The following BORCS5 variants were observed in gnomAD, a reference collection of about 807,000 sequenced individuals.
BORCS5 encodes BLOC-1-related complex subunit 5.
A neutral mutation model predicts 22.1 loss-of-function variants in BORCS5; 17 were observed. That is an observed-to-expected ratio of 0.77 (90% CI 0.53 to 1.15). The LOEUF is 1.15. BORCS5 is among the 50% of genes most tolerant of loss of function. The probability of loss-of-function intolerance (pLI) is 0.00; values close to 1 mark genes in which losing one functional copy is unlikely to be tolerated. For synonymous variants in BORCS5, 117 were observed against 99.8 expected, an observed-to-expected ratio of 1.17 and a Z score of -1.03; for missense variants, 247 against 253.2, an observed-to-expected ratio of 0.98 and a Z score of 0.17.
intron 2 of BORCS5, among the ~76,000 whole-genome samples, chr12:12,415,007 C>T (rs544247761): frequency 0.025 from 2,228 of 90,830 alleles, 63 homozygotes; most frequent in Admixed American, 0.041. Flanking sequence ...GGGGAAGAGG[C>T]GCTCCTCGCT....
chr12:12,424,565 TTGAA>T (rs958817843), intron 2 of BORCS5, among the ~76,000 whole-genome samples: 2 of 152,136 alleles, frequency 1.3e-5, no homozygotes, highest in African/African-American at 4.8e-5. Context: ...TATTTTTCCT[TTGAA>T]TGAGCCATAC....
intron 2 of BORCS5, among the ~76,000 whole-genome samples, chr12:12,365,425 C>T (rs974376572): frequency 6.6e-6 from 1 of 151,900 alleles, no homozygotes. Flanking sequence ...AGTGCTCCTC[C>T]CACCTTAGCC....
intron 2 of BORCS5, among the ~76,000 whole-genome samples, chr12:12,432,772 A>G (rs1366649005): frequency 6.6e-6 from 1 of 152,252 alleles, no homozygotes; most frequent in Non-Finnish European, 1.5e-5. Flanking sequence ...AAAAGATTCA[A>G]TCCTAAAAGC....
intron 3 of BORCS5, among the ~76,000 whole-genome samples, chr12:12,439,208 C>G (rs1193857900): frequency 6.6e-6 from 1 of 152,176 alleles, no homozygotes; most frequent in South Asian, 2.1e-4. Flanking sequence ...CCGATTAGAT[C>G]AAAATCTTTG....
chr12:12,414,162 A>G (rs1397565934), intron 2 of BORCS5, among the ~76,000 whole-genome samples: 3 of 55,892 alleles, frequency 5.4e-5, no homozygotes, highest in Admixed American at 1.8e-4. Context: ...CGGGGGGCTG[A>G]CCCCCCCACC....
intron 2 of BORCS5, among the ~76,000 whole-genome samples, chr12:12,423,185 G>A (rs1452601482): frequency 6.6e-6 from 1 of 151,768 alleles, no homozygotes; most frequent in East Asian, 1.9e-4. Context: ...TGTATTTTTA[G>A]TAGAGACGGG....
intron 2 of BORCS5, among the ~76,000 whole-genome samples, chr12:12,399,641 A>G (rs1941424516): frequency 6.6e-6 from 1 of 152,222 alleles, no homozygotes; most frequent in South Asian, 2.1e-4. Context: ...TAGAACTTCT[A>G]AAAGAAAAAC....
At chr12:12,441,602 A>G (rs1272395056) in intron 3 of BORCS5, among the ~76,000 whole-genome samples, 1 of 152,156 alleles carries the variant, frequency 6.6e-6, no homozygotes, top group Non-Finnish European at 1.5e-5. Flanking sequence ...CCTAATTGCC[A>G]TGAATTGGCC....
chr12:12,395,364 G>C (rs1941308966), intron 2 of BORCS5, among the ~76,000 whole-genome samples: 2 of 151,326 alleles, frequency 1.3e-5, no homozygotes. Flanking sequence ...CGCTTCCCAG[G>C]TTCAAATGAT....
intron 2 of BORCS5, among the ~76,000 whole-genome samples, chr12:12,369,712 CTTTTT>C (rs71061052): frequency 1.4e-4 from 6 of 42,946 alleles, no homozygotes; most frequent in African/African-American, 3.9e-4. Context: ...CCCCCCACTT[CTTTTT>C]TTTTTTTTTT....
chr12:12,449,704 T>G (rs904886492), intron 3 of BORCS5, among the ~76,000 whole-genome samples: 17 of 152,186 alleles, frequency 1.1e-4, no homozygotes, highest in African/African-American at 4.1e-4. Flanking sequence ...GGAAACAGGG[T>G]GACTTCAAAA....
chr12:12,423,108 T>A (rs1347777352), intron 2 of BORCS5, among the ~76,000 whole-genome samples: 1 of 151,972 alleles, frequency 6.6e-6, no homozygotes, highest in Non-Finnish European at 1.5e-5. Flanking sequence ...TTCACGCCAT[T>A]CTCCTGCCTC....
chr12:12,386,142 A>G (rs1369355745), intron 2 of BORCS5, among the ~76,000 whole-genome samples: 1 of 150,656 alleles, frequency 6.6e-6, no homozygotes, highest in Non-Finnish European at 1.5e-5. Context: ...CTGCAATTAC[A>G]GGTGTGTGCC....
chr12:12,357,512 C>G lies in BORCS5; in HGVS notation c.58+3C>G. 6.2e-7 allele frequency: 1 copy of G among 1,607,882 alleles called. No homozygotes were observed. The highest frequency in any genetic ancestry group is 8.5e-7 in the Non-Finnish European group (1 of 1,175,058). On this transcript the variant is annotated splice_donor_region_variant and intron_variant, in intron 1 of 3. Coordinates refer to ENST00000314565, the MANE Select transcript of BORCS5 (RefSeq NM_058169.6). ...ACCCAACGATCTGAACTCCTCAGGT[C>G]GGTGTCCTAACCTCCCACCCTCCTC...
In BORCS5 at chr12:12,357,229, C is replaced by T; in HGVS notation, c.-223C>T. The T allele has an allele frequency of 6.8e-7, 1 of 1,477,690 alleles. No homozygotes were observed. The highest frequency in any genetic ancestry group is 8.9e-7 in the Non-Finnish European group (1 of 1,117,926). 91.5% of individuals were successfully genotyped at this position (1,477,690 alleles called of 1,614,324 possible). ...GGAGGGCTAGCCGCGTGCGTTCGCG[C>T]CGCGCCTCCTTGCGTTTCTGTTCCC... On this transcript the variant is annotated 5_prime_UTR_variant, in exon 1 of 4. Transcript: ENST00000314565.
intron 3 of BORCS5, chr12:12,435,988 G>T: frequency 2.1e-6 from 1 of 484,746 alleles, no homozygotes; most frequent in East Asian, 3.7e-5. Flanking sequence ...GATTTGCTTG[G>T]CCAAGTTGCT....
intron 2 of BORCS5, among the ~76,000 whole-genome samples, chr12:12,402,676 T>C (rs1048929501): frequency 6.6e-6 from 1 of 152,210 alleles, no homozygotes; most frequent in African/African-American, 2.4e-5. Context: ...TGAGTTCCCC[T>C]TTTTCCCATA....
chr12:12,459,857 AT>A, intron 3 of BORCS5, among the ~76,000 whole-genome samples: 1 of 152,304 alleles, frequency 6.6e-6, no homozygotes, highest in Admixed American at 6.5e-5. Flanking sequence ...TTAACAATAT[AT>A]TTTTAGATCA....
intron 2 of BORCS5, among the ~76,000 whole-genome samples, chr12:12,381,576 T>C (rs1428161822): frequency 6.6e-6 from 1 of 151,528 alleles, no homozygotes; most frequent in Non-Finnish European, 1.5e-5. Flanking sequence ...TTTCGTGGAT[T>C]GTACTTTGGT....
Sources: gnomAD v4.1 joint callset for allele counts (sites outside exome capture counted in the v4.1 genomes callset) on GRCh38, gnomAD v4.1.1 for gene constraint, MANE v1.5 for transcripts, NCBI Gene and HGNC (gene_info 2026-07-23, HGNC 2026-07-21) for gene names.